The following EXOC1 variants were observed in gnomAD, a reference collection of about 807,000 sequenced individuals.
EXOC1 encodes exocyst complex component 1.
A neutral mutation model predicts 107.7 loss-of-function variants in EXOC1; 67 were observed. The ratio of observed to expected loss-of-function variants is 0.62; its 90% CI spans 0.51 to 0.76. The LOEUF is 0.76. EXOC1 is among the 30% of genes least tolerant of loss of function. The pLI is 0.00. For missense variants in EXOC1, 833 were observed against 1,055.7 expected (o/e 0.79, Z 2.92); for synonymous variants, 348 against 353.5 (o/e 0.98, Z 0.17).
At chr4:55,857,695 C>T (rs960858316) in intron 1 of EXOC1, among the ~76,000 whole-genome samples, 13 of 152,178 alleles carry the variant, frequency 8.5e-5, no homozygotes, top group African/African-American at 3.1e-4. Context: ...TATGAGGAGT[C>T]ACCAAGCTGT....
intron 16 of EXOC1, among the ~76,000 whole-genome samples, chr4:55,898,748 A>G (rs1243909149): frequency 6.6e-6 from 1 of 152,188 alleles, no homozygotes; most frequent in East Asian, 1.9e-4. Flanking sequence ...ACTCTATATA[A>G]TCTTAGTATC....
chr4:55,884,507 A>C (rs878972697), intron 10 of EXOC1, among the ~76,000 whole-genome samples: 1 of 152,216 alleles, frequency 6.6e-6, no homozygotes, highest in Non-Finnish European at 1.5e-5. Flanking sequence ...ATGCATGTTA[A>C]TTTTTGTTGT....
At chr4:55,860,937 A>G (rs1157689938) in intron 3 of EXOC1, among the ~76,000 whole-genome samples, 1 of 150,236 alleles carries the variant, frequency 6.7e-6, no homozygotes, top group South Asian at 2.1e-4. Context: ...TGAGGCCACC[A>G]TGGCTTTGAT....
chr4:55,857,564 T>A (rs1221620957), intron 1 of EXOC1, among the ~76,000 whole-genome samples: 1 of 152,192 alleles, frequency 6.6e-6, no homozygotes, highest in East Asian at 1.9e-4. Context: ...GTTATTTCCA[T>A]TTTTTGGCTA....
chr4:55,873,652 G>A lies in EXOC1; in HGVS notation c.1074+1694G>A, dbSNP rs1331158005. Among the ~76,000 whole-genome samples, 4 of 152,272 alleles carry A rather than the reference G, an allele frequency of 2.6e-5. No homozygotes were observed. The South Asian group carries it at 8.3e-4, about 32-fold the overall frequency. On this transcript the variant is annotated intron_variant, in intron 8 of 18. Coordinates refer to ENST00000381295, the MANE Select transcript of EXOC1 (RefSeq NM_001024924.2). ...GAAAAGCTGATATGTGTTATTACAT[G>A]TGAGTGATGCATGTTAAAAATCAGA...
chr4:55,886,205 T>C (rs985834281), intron 10 of EXOC1, among the ~76,000 whole-genome samples: 1 of 152,068 alleles, frequency 6.6e-6, no homozygotes, highest in Non-Finnish European at 1.5e-5. Context: ...GTAAGTTGAG[T>C]GTGTTCAATG....
chr4:55,876,910 G>T, intron 8 of EXOC1: 1 of 985,270 alleles, frequency 1.0e-6, no homozygotes, highest in African/African-American at 1.7e-5. Context: ...AAGGGACATG[G>T]ATAATGATGT....
chr4:55,875,043 C>T (rs766554421), intron 8 of EXOC1, among the ~76,000 whole-genome samples: 15 of 152,082 alleles, frequency 9.9e-5, no homozygotes, highest in South Asian at 4.1e-4. Context: ...CATGATGAGA[C>T]TGATTATGTA....
intron 16 of EXOC1, among the ~76,000 whole-genome samples, chr4:55,899,154 T>G (rs894630583): frequency 1.3e-5 from 2 of 152,142 alleles, no homozygotes; most frequent in Admixed American, 6.5e-5. Context: ...TGTCTTTACT[T>G]TACATGAATT....
chr4:55,856,125 T>C (rs956804005), intron 1 of EXOC1, among the ~76,000 whole-genome samples: 1 of 152,202 alleles, frequency 6.6e-6, no homozygotes, highest in Non-Finnish European at 1.5e-5. Context: ...CGAGCAGCAT[T>C]GAAAGTCTAA....
intron 16 of EXOC1, among the ~76,000 whole-genome samples, chr4:55,898,024 G>T (rs1426951764): frequency 1.3e-5 from 2 of 152,220 alleles, no homozygotes; most frequent in Non-Finnish European, 2.9e-5. Flanking sequence ...GGAAGGACCA[G>T]TTGGGGGATC....
chr4:55,877,037 A>C (rs1722966793), intron 8 of EXOC1: 1 of 983,472 alleles, frequency 1.0e-6, no homozygotes, highest in Non-Finnish European at 1.2e-6. Flanking sequence ...TTTAAAAGAA[A>C]ATTTTTTAAA....
At chr4:55,861,924 C>A (rs1162980169) in intron 3 of EXOC1, among the ~76,000 whole-genome samples, 1 of 152,186 alleles carries the variant, frequency 6.6e-6, no homozygotes, top group African/African-American at 2.4e-5. Context: ...CGTGGCGGCA[C>A]ACGCCTGTAG....
rs759960691 is a variant in EXOC1 at position 55,871,929 on chromosome 4, A to G, written c.1045A>G (p.Ser349Gly). The G allele has an allele frequency of 1.2e-6, 2 of 1,613,804 alleles. No homozygotes were observed. The highest frequency in any genetic ancestry group is 2.2e-5 in the South Asian group (2 of 91,072). Residue 349 changes from serine to glycine, a missense_variant, in exon 8 of 19, where the codon AGT becomes GGT. Physicochemically the swap from Ser to Gly is moderately conservative, Grantham distance 56 (BLOSUM62 0). Transcript: ENST00000381295. Reference protein sequence around the residue: ...LRELFARRLASHLNNVFVQQG... With the variant: ...LRELFARRLAGHLNNVFVQQG... ...AGAGCTTTTTGCCCGGAGACTGGCC[A>G]GTCACCTCAACAATGTTTTTGTTCA...
chr4:55,856,686 A>AAT (rs1284279093), intron 1 of EXOC1, among the ~76,000 whole-genome samples: 1 of 152,240 alleles, frequency 6.6e-6, no homozygotes, highest in Non-Finnish European at 1.5e-5. Context: ...GAAAAATTGT[A>AAT]ATACATATCC....
chr4:55,859,794 A>G (rs1695863789), intron 2 of EXOC1, among the ~76,000 whole-genome samples: 2 of 152,230 alleles, frequency 1.3e-5, no homozygotes, highest in Non-Finnish European at 1.5e-5. Flanking sequence ...CATATCATTG[A>G]TATCATAAAA....
intron 9 of EXOC1, among the ~76,000 whole-genome samples, chr4:55,882,409 C>T (rs1481962283): frequency 6.6e-6 from 1 of 152,136 alleles, no homozygotes; most frequent in Non-Finnish European, 1.5e-5. Flanking sequence ...TGTGGTCTTT[C>T]CTATCAGTCA....
intron 16 of EXOC1, 48 bp downstream of exon 16, chr4:55,896,948 T>A: frequency 6.7e-7 from 1 of 1,485,470 alleles, no homozygotes; most frequent in Non-Finnish European, 9.0e-7. Flanking sequence ...ATTGTTTTTA[T>A]TTCTGGTAAC....
Position 55,871,157 on chromosome 4 carries a change from T to G in EXOC1, c.888T>G (p.Ala296=). 6.2e-7 allele frequency: 1 copy of G among 1,613,948 alleles called. No homozygotes were observed. The highest frequency in any genetic ancestry group is 8.5e-7 in the Non-Finnish European group (1 of 1,179,900). ...AGGCCCTTCAGGAAGGAGATCTTGC[T>G]TCTTCCAGAGGCATTGAGGCCTGCA... The part of the protein sequence containing the change: ...HIKALQEGDL[A]SSRGIEACTN... Residue 296 remains alanine, a synonymous_variant, in exon 7 of 19, where the codon GCT becomes GCG. Transcript: ENST00000381295.
Sources: gnomAD v4.1 joint callset for allele counts (sites outside exome capture counted in the v4.1 genomes callset) on GRCh38, gnomAD v4.1.1 for gene constraint, MANE v1.5 for transcripts, NCBI Gene and HGNC (gene_info 2026-07-23, HGNC 2026-07-21) for gene names.